The following JPH3 variants were observed in gnomAD, a reference collection of about 807,000 sequenced individuals.
The protein encoded by JPH3 is junctophilin 3.
JPH3 carries 11 observed loss-of-function variants against 59.6 expected under a neutral mutation model. The observed-to-expected ratio is 0.18, with a 90% CI of 0.12 to 0.31. The LOEUF (loss-of-function observed/expected upper bound fraction) is 0.31, where lower values mean the gene tolerates loss of function less well. Among genes scored for constraint, JPH3 ranks in the 10% least tolerant of loss-of-function variants. The probability of loss-of-function intolerance (pLI) is 1.00; values close to 1 mark genes in which losing one functional copy is unlikely to be tolerated. For missense variants in JPH3, 1,202 were observed against 1,105.7 expected (o/e 1.09, Z -1.24); for synonymous variants, 673 against 483.6 (o/e 1.39, Z -5.14).
chr16:87,660,245 C>A (rs1394467479), intron 2 of JPH3, among the ~76,000 whole-genome samples: 1 of 152,136 alleles, frequency 6.6e-6, no homozygotes, highest in East Asian at 1.9e-4. Context: ...GAAAGACTCT[C>A]CCTGGATTCT....
intron 1 of JPH3, among the ~76,000 whole-genome samples, chr16:87,619,259 G>C (rs2031083115): frequency 6.6e-6 from 1 of 150,710 alleles, no homozygotes; most frequent in Non-Finnish European, 1.5e-5. Context: ...GCTGCCGTGA[G>C]CTATGATCAC....
chr16:87,636,133 C>G (rs985596129), intron 1 of JPH3, among the ~76,000 whole-genome samples: 1 of 152,174 alleles, frequency 6.6e-6, no homozygotes, highest in African/African-American at 2.4e-5. Flanking sequence ...CTGCAGGTGA[C>G]CAGTTAGGTT....
chr16:87,683,859 G>T lies in JPH3; in HGVS notation c.1161-283G>T, dbSNP rs369137858. 182 of 365,944 alleles carry T rather than the reference G, an allele frequency of 5.0e-4. 1 individual carries two copies. The South Asian group carries it at 7.4e-3, about 15-fold the overall frequency. 22.7% of individuals were successfully genotyped at this position (365,944 alleles called of 1,614,324 possible). A position where few individuals can be genotyped will look rare whatever the true frequency, so the allele number is the denominator to read the frequency against. ...GAGCTCAAGCGATCTTCCTGCCTTG[G>T]CCTCCCAAAGTGCTGGGATTACAGG... On this transcript the variant is annotated intron_variant, in intron 2 of 4. Coordinates refer to ENST00000284262, the MANE Select transcript of JPH3 (RefSeq NM_020655.4).
chr16:87,691,161 C>T (rs1043752734), intron 4 of JPH3, among the ~76,000 whole-genome samples: 4 of 151,600 alleles, frequency 2.6e-5, no homozygotes, highest in African/African-American at 9.7e-5. Flanking sequence ...CTAGACTCGG[C>T]GCGAGGCTGG....
rs764074006 is a variant in JPH3 at position 87,644,621 on chromosome 16, G to T, written c.746G>T (p.Gly249Val). The change falls in exon 2 of 5, where the codon GGC becomes GTC. Residue 249 changes from glycine to valine, a missense_variant. Gly to Val is a moderately radical substitution (Grantham distance 109). Coordinates refer to ENST00000284262, the MANE Select transcript of JPH3 (RefSeq NM_020655.4). ...SKQSSFRSEA[G>V]MSTVSSTASD... ...CAGAGCTCCTTTCGCAGCGAGGCGG[G>T]CATGAGCACCGTCAGCTCCACGGCC... The T allele has an allele frequency of 4.3e-6, 7 of 1,612,350 alleles. No individual in the cohort carries two copies. Among genetic ancestry groups the T allele is most frequent in the Non-Finnish European group, 5.9e-6 (7 of 1,179,894 alleles).
intron 2 of JPH3, among the ~76,000 whole-genome samples, chr16:87,651,763 C>T (rs185083755): frequency 2.2e-4 from 34 of 152,296 alleles, no homozygotes; most frequent in African/African-American, 5.5e-4. Flanking sequence ...CTACTCCTGG[C>T]GAAGATGCTG....
intron 3 of JPH3, among the ~76,000 whole-genome samples, chr16:87,688,662 C>A (rs74039462): frequency 6.6e-6 from 1 of 151,934 alleles, no homozygotes; most frequent in Non-Finnish European, 1.5e-5. Context: ...TCCCCAAATT[C>A]CCACAGAGCT....
In JPH3 at chr16:87,603,221, C is replaced by T. The variant is rs755189329; in HGVS notation, c.75C>T (p.His25=). 1 of 1,613,858 alleles carries T rather than the reference C, an allele frequency of 6.2e-7. No homozygotes were observed. Among genetic ancestry groups the T allele is most frequent in the Non-Finnish European group, 8.5e-7 (1 of 1,179,918 alleles). ...GAGGCTGGGAGGACGGCAAGGCGCACGGCCATGGCGTCTGCACCGGCCCCA... is the reference window on the plus strand; with the variant it reads ...GAGGCTGGGAGGACGGCAAGGCGCATGGCCATGGCGTCTGCACCGGCCCCA... ...YCGGWEDGKA[H]GHGVCTGPKG... is the part of the protein sequence containing the mutation. Residue 25 remains histidine (H), a synonymous_variant, in exon 1 of 5, where the codon CAC becomes CAT. Coordinates refer to ENST00000284262, the MANE Select transcript of JPH3 (RefSeq NM_020655.4).
intron 1 of JPH3, among the ~76,000 whole-genome samples, chr16:87,621,938 C>T (rs1075968): frequency 0.31 from 47,364 of 151,968 alleles, 7,652 homozygotes; most frequent in African/African-American, 0.35. Context: ...TCCCCTTAGT[C>T]GAGAGGGGGG....
intron 1 of JPH3, among the ~76,000 whole-genome samples, chr16:87,639,611 T>TCCTCCCTCCTGTCCTCCCTCCTGG (rs1567593499): frequency 2.7e-4 from 40 of 149,282 alleles, no homozygotes; most frequent in African/African-American, 8.9e-4. Context: ...CTCCCTCCTG[T>TCCTCCCTCCTGTCCTCCCTCCTGG]CCTCCCTCCT....
At chr16:87,687,719 C>A (rs115820225) in intron 3 of JPH3, among the ~76,000 whole-genome samples, 1,848 of 152,298 alleles carry the variant, frequency 0.012, 36 homozygotes, top group African/African-American at 0.043. Flanking sequence ...CTCATTCTAG[C>A]TGAGGGTGCC....
chr16:87,690,204 T>C lies in JPH3; in HGVS notation c.1844T>C (p.Met615Thr), dbSNP rs1245286613. 2 of 1,602,902 alleles carry C rather than the reference T, an allele frequency of 1.2e-6. No homozygotes were observed. The highest frequency in any genetic ancestry group is 1.7e-6 in the Non-Finnish European group (2 of 1,175,368). Residue 615 changes from methionine to threonine, a missense_variant, in exon 4 of 5, where the codon ATG becomes ACG. Coordinates refer to ENST00000284262, the MANE Select transcript of JPH3 (RefSeq NM_020655.4). ...AAGCTGAGCAACTACCGGATGGAGA[T>C]GAAACCCTTGCTGAGGATGGAGACG... The part of the protein sequence containing the change: ...EEKLSNYRME[M>T]KPLLRMETHP...
rs568948371 is a variant in JPH3, at chr16:87,658,796, A to G, written c.1160+13761A>G. ...CCTCACCTGGGGCCTGCTGAGAGGG[A>G]CAAGGTGGATTGGGGCTTGCTGTGG... is the stretch of plus-strand genomic sequence containing the variant. On this transcript the variant is annotated intron_variant, in intron 2 of 4. Coordinates refer to ENST00000284262, the MANE Select transcript of JPH3 (RefSeq NM_020655.4). 6.1e-4 allele frequency among the ~76,000 whole-genome samples: 93 copies of G among 152,208 alleles called. 1 individual carries two copies. The highest frequency in any genetic ancestry group is 1.2e-3 in the Non-Finnish European group (81 of 68,038).
At chr16:87,688,206 C>T (rs1567615127) in intron 3 of JPH3, among the ~76,000 whole-genome samples, 2 of 152,132 alleles carry the variant, frequency 1.3e-5, no homozygotes, top group African/African-American at 2.4e-5. Context: ...CCCACACCCC[C>T]GTGTGACAGG....
rs942065077 is a variant in JPH3, at chr16:87,644,274, G to T, written c.399G>T (p.Gln133His). 1.9e-6 allele frequency: 3 copies of T among 1,608,994 alleles called. No individual in the cohort carries two copies. The highest frequency in any genetic ancestry group is 1.7e-6 in the Non-Finnish European group (2 of 1,177,852). ...TYSDGGTYQG[Q>H]WVGGMRQGYG... ...TCTCCCCAGGGACCTACCAGGGCCA[G>T]TGGGTCGGTGGCATGCGCCAGGGCT... The change falls in exon 2 of 5, where the codon CAG becomes CAT. Residue 133 changes from glutamine (Q) to histidine (H), a missense_variant. Transcript: ENST00000284262.
At chr16:87,634,620 T>A (rs1287268130) in intron 1 of JPH3, among the ~76,000 whole-genome samples, 5 of 152,158 alleles carry the variant, frequency 3.3e-5, no homozygotes, top group African/African-American at 1.2e-4. Flanking sequence ...GGCTGGTGGA[T>A]CTAATTGGGA....
chr16:87,604,144 C>T lies in JPH3; in HGVS notation c.382+616C>T, dbSNP rs1304906775. ...CAGGCTGCTGGAGGGAGGAGGGAGG[C>T]CCATCTGCTCAGTGAGAGCCCAGGA... On this transcript the variant is annotated intron_variant, in intron 1 of 4. Transcript: ENST00000284262. The T allele has an allele frequency of 4.4e-6, 6 of 1,355,842 alleles. No individual in the cohort carries two copies. In the Admixed American group the frequency reaches 1.1e-4, roughly 25 times the overall value. 84.0% of individuals were successfully genotyped at this position (1,355,842 alleles called of 1,614,324 possible).
At chr16:87,634,000 T>C (rs560892164) in intron 1 of JPH3, among the ~76,000 whole-genome samples, 3 of 152,274 alleles carry the variant, frequency 2.0e-5, no homozygotes, top group Admixed American at 1.3e-4. Context: ...GCGACCCGAA[T>C]ACCTTGCGGC....
At position 87,639,615 on chromosome 16, in the gene JPH3, C is replaced by T. The variant is rs146734548; in HGVS notation, c.383-4643C>T. 2.5e-3 allele frequency among the ~76,000 whole-genome samples: 372 copies of T among 150,620 alleles called. 1 individual carries two copies. The highest frequency in any genetic ancestry group is 8.9e-3 in the African/African-American group (362 of 40,590). On this transcript the variant is annotated intron_variant, in intron 1 of 4. Coordinates refer to ENST00000284262, the MANE Select transcript of JPH3 (RefSeq NM_020655.4). ...CACTGCCTGTCCTCCCTCCTGTCCT[C>T]CCTCCTGGCCTCCCTCCTGGCCTCC...
Sources: gnomAD v4.1 joint callset for allele counts (sites outside exome capture counted in the v4.1 genomes callset) on GRCh38, gnomAD v4.1.1 for gene constraint, MANE v1.5 for transcripts, NCBI Gene and HGNC (gene_info 2026-07-23, HGNC 2026-07-21) for gene names.